Variants in INTS6 observed in about 807,000 individuals in gnomAD.
The protein encoded by INTS6 is DEAD box protein.
A neutral mutation model predicts 104.9 loss-of-function variants in INTS6; 16 were observed. The ratio of observed to expected loss-of-function variants is 0.15; its 90% CI spans 0.10 to 0.23. The LOEUF is 0.23. INTS6 is among the 10% of genes least tolerant of loss of function. INTS6 has a pLI of 1.00. For missense variants in INTS6, 584 were observed against 1,062.8 expected (o/e 0.55, Z 6.26); for synonymous variants, 324 against 358.7 (o/e 0.90, Z 1.09).
At chr13:51,361,513 CA>C (rs71785351), downstream of INTS6, 1 of 625,116 alleles carries the variant, frequency 1.6e-6, no homozygotes, top group Non-Finnish European at 2.8e-6. Context: ...CTAAAGAAAA[CA>C]AAAAGTTTTT....
At chr13:51,437,029 G>C (rs996181522) in intron 3 of INTS6, 4 of 152,106 alleles carry the variant, frequency 2.6e-5, no homozygotes, top group African/African-American at 9.7e-5. Flanking sequence ...GAGGTGGGAG[G>C]ACTGCCTGAG....
chr13:51,361,980 AATAAGCATT>A lies in INTS6; in HGVS notation c.*3763_*3771del, dbSNP rs1322551328. Reference sequence around the variant, plus strand: ...CTCATTTGTCCACTATCCCCTCAAAAATAAGCATTCTTTCTAGCTGTTTTTATGGTGCTT... The same window carrying A: ...CTCATTTGTCCACTATCCCCTCAAAACTTTCTAGCTGTTTTTATGGTGCTT... On this transcript the variant is annotated 3_prime_UTR_variant, in exon 18 of 18. Coordinates refer to ENST00000311234, the MANE Select transcript of INTS6 (RefSeq NM_012141.3). 5 of 1,610,882 alleles carry A rather than the reference AATAAGCATT, an allele frequency of 3.1e-6. No homozygotes were observed. The Admixed American group carries it at 6.7e-5, about 22-fold the overall frequency.
At chr13:51,415,244 T>C (rs181380178) in intron 4 of INTS6, among the ~76,000 whole-genome samples, 246 of 152,290 alleles carry the variant, frequency 1.6e-3, no homozygotes, top group African/African-American at 5.6e-3. Context: ...GCAGTGATTG[T>C]ACTATGAGCT....
chr13:51,360,542 C>T (rs184962183), downstream of INTS6, among the ~76,000 whole-genome samples: 1 of 152,016 alleles, frequency 6.6e-6, no homozygotes, highest in African/African-American at 2.4e-5. Context: ...GATTAGCTTA[C>T]AAAAATCAGC....
intron 4 of INTS6, among the ~76,000 whole-genome samples, chr13:51,414,345 G>C (rs1593731491): frequency 6.6e-6 from 1 of 152,288 alleles, no homozygotes; most frequent in East Asian, 1.9e-4. Flanking sequence ...TAGAGAAGCT[G>C]AACCAATATC....
intron 4 of INTS6, among the ~76,000 whole-genome samples, chr13:51,407,102 C>G (rs1037717301): frequency 1.3e-5 from 2 of 151,398 alleles, no homozygotes; most frequent in Non-Finnish European, 2.9e-5. Context: ...AGCCTTTGTA[C>G]ATGCTAGTCC....
At chr13:51,428,984 C>T (rs772630985) in intron 4 of INTS6, among the ~76,000 whole-genome samples, 9 of 152,260 alleles carry the variant, frequency 5.9e-5, no homozygotes, top group Non-Finnish European at 1.2e-4. Context: ...CTTCTCTTTA[C>T]AGCCTACTAA....
intron 4 of INTS6, among the ~76,000 whole-genome samples, chr13:51,418,534 TA>T (rs201283951): frequency 6.6e-6 from 1 of 152,164 alleles, no homozygotes; most frequent in Non-Finnish European, 1.5e-5. Flanking sequence ...AAAAAATTAT[TA>T]AAGTCAAAGT....
Position 51,430,288 on chromosome 13 carries a change from A to C in INTS6, c.429+6T>G. On this transcript the variant is annotated splice_donor_region_variant and intron_variant, in intron 4 of 17. Coordinates refer to ENST00000311234, the MANE Select transcript of INTS6 (RefSeq NM_012141.3). The stretch of plus-strand genomic sequence containing the variant: ...GCATAATCCATGTAATATAAGCACA[A>C]CTTACCTCATCCTGGACTCCACTGG... 1 of 1,611,512 alleles carries C rather than the reference A, an allele frequency of 6.2e-7. No individual in the cohort carries two copies. Among genetic ancestry groups the C allele is most frequent in the Non-Finnish European group, 8.5e-7 (1 of 1,178,244 alleles).
In INTS6 at chr13:51,452,603, ACCGCCGCTACGCGGGGCGGGGG is replaced by A; in HGVS notation, c.-100_-79del. The A allele has an allele frequency of 6.5e-7, 1 of 1,539,800 alleles. No homozygotes were observed. Among genetic ancestry groups the A allele is most frequent in the African/African-American group, 1.4e-5 (1 of 71,994 alleles). The stretch of plus-strand genomic sequence containing the variant: ...AGAGGTGGAGGCGCCGGTGGCGGCG[ACCGCCGCTACGCGGGGCGGGGG>A]AGCACGGCCCCCGGGAGGAAAACAC... On this transcript the variant is annotated 5_prime_UTR_variant, in exon 1 of 18. Coordinates refer to ENST00000311234, the MANE Select transcript of INTS6 (RefSeq NM_012141.3). The surrounding 1 kb of genome is among the most constrained non-coding windows in gnomAD (Gnocchi z 4.2).
intron 4 of INTS6, chr13:51,422,975 GT>G: frequency 1.0e-6 from 1 of 973,602 alleles, no homozygotes; most frequent in South Asian, 1.5e-5. Context: ...AGAACCTTCT[GT>G]TTATTTCTGC....
At chr13:51,410,931 G>A (rs1345359167) in intron 4 of INTS6, among the ~76,000 whole-genome samples, 11 of 152,064 alleles carry the variant, frequency 7.2e-5, no homozygotes, top group Admixed American at 5.2e-4. Context: ...AGCACATGGA[G>A]CTGGGCACCA....
At chr13:51,373,041 T>G (rs1955841956) in intron 15 of INTS6, among the ~76,000 whole-genome samples, 1 of 152,064 alleles carries the variant, frequency 6.6e-6, no homozygotes, top group African/African-American at 2.4e-5. Context: ...TTTATTTTTC[T>G]GGAAAAAATA....
chr13:51,375,233 A>G (rs770991273), intron 13 of INTS6, among the ~76,000 whole-genome samples: 3 of 151,758 alleles, frequency 2.0e-5, no homozygotes, highest in Non-Finnish European at 2.9e-5. Flanking sequence ...CGTGCCTGTA[A>G]TCCCAGCTAC....
chr13:51,343,034 G>C, the INTS6 span, among the ~76,000 whole-genome samples: 4 of 152,112 alleles, frequency 2.6e-5, no homozygotes, highest in Admixed American at 2.6e-4. Flanking sequence ...TGGGGACCCT[G>C]GCCAGGGTGG....
In INTS6 at chr13:51,355,092, G is replaced by A. The variant is rs182389934; in HGVS notation, n.431-756C>T. On this transcript the variant is annotated intron_variant and non_coding_transcript_variant, in intron 3 of 3. Coordinates refer to the INTS6 transcript ENST00000476666. ...CTTAAAAAGCATTTTAAATTCTTGG[G>A]GAGTCACCGATCTTTTTGATCCACT... 26 of 1,552,312 alleles carry A rather than the reference G, an allele frequency of 1.7e-5. No individual in the cohort carries two copies. In the Admixed American group the frequency reaches 2.5e-4, roughly 15 times the overall value.
the INTS6 span, among the ~76,000 whole-genome samples, chr13:51,340,181 CTCT>C: frequency 8.5e-5 from 13 of 152,130 alleles, no homozygotes; most frequent in African/African-American, 3.1e-4. Context: ...GACTCTGGAC[CTCT>C]TCTTACATCA....
chr13:51,449,579 T>A, intron 3 of INTS6: 1 of 985,328 alleles, frequency 1.0e-6, no homozygotes, highest in Non-Finnish European at 1.2e-6. Context: ...AAACTAATAG[T>A]TCTGCCATAC....
chr13:51,399,451 G>A (rs1295758483), intron 4 of INTS6, among the ~76,000 whole-genome samples: 1 of 152,170 alleles, frequency 6.6e-6, no homozygotes, highest in Admixed American at 6.6e-5. Context: ...AATTGTTTGG[G>A]TATGTTATGA....
Sources: allele counts gnomAD v4.1 joint callset (sites outside exome capture counted in the v4.1 genomes callset), GRCh38; gene constraint gnomAD v4.1.1; non-coding constraint Gnocchi (gnomAD v3.1); transcripts MANE v1.5; gene names NCBI Gene and HGNC (gene_info 2026-07-23, HGNC 2026-07-21).